The following INPP5F variants were observed in gnomAD, a reference collection of about 807,000 sequenced individuals.
INPP5F encodes the protein inositol polyphosphate-5-phosphatase F.
A neutral mutation model predicts 137.2 loss-of-function variants in INPP5F; 97 were observed. That is an observed-to-expected ratio of 0.71 (90% CI 0.60 to 0.84). INPP5F has a LOEUF of 0.84. Among genes scored for constraint, INPP5F ranks in the 40% least tolerant of loss-of-function variants. The pLI is 0.00. For synonymous variants in INPP5F, 504 were observed against 476.9 expected (o/e 1.06, Z -0.74); for missense variants, 1,271 against 1,371.9 (o/e 0.93, Z 1.16).
intron 2 of INPP5F, among the ~76,000 whole-genome samples, chr10:119,772,770 A>C (rs905386735): frequency 3.3e-5 from 5 of 151,762 alleles, no homozygotes; most frequent in Admixed American, 1.3e-4. Flanking sequence ...TTGAGATGGA[A>C]TCTCGCTCTG....
intron 1 of INPP5F, among the ~76,000 whole-genome samples, chr10:119,734,472 TTC>T (rs935235914): frequency 3.3e-5 from 5 of 152,204 alleles, no homozygotes; most frequent in Admixed American, 6.5e-5. Context: ...TAAGCTGTAC[TTC>T]CTTTTTCATT....
chr10:119,824,676 T>C (rs1233660698), intron 19 of INPP5F, among the ~76,000 whole-genome samples: 1 of 152,244 alleles, frequency 6.6e-6, no homozygotes, highest in Non-Finnish European at 1.5e-5. Context: ...TATGTAAATA[T>C]TGTTTCTGTG....
intron 2 of INPP5F, among the ~76,000 whole-genome samples, chr10:119,776,251 C>T (rs1248921077): frequency 6.6e-6 from 1 of 152,154 alleles, no homozygotes; most frequent in Non-Finnish European, 1.5e-5. Context: ...TAATCTTCAT[C>T]ATAACTGCAA....
intron 2 of INPP5F, among the ~76,000 whole-genome samples, chr10:119,759,296 C>T (rs1015131266): frequency 2.6e-5 from 4 of 152,164 alleles, no homozygotes; most frequent in African/African-American, 9.7e-5. Context: ...GCTGGGATTA[C>T]ACAGGCATGA....
At chr10:119,817,674 G>A (rs61867948) in intron 15 of INPP5F, among the ~76,000 whole-genome samples, 5,778 of 152,148 alleles carry the variant, frequency 0.038, 153 homozygotes, top group South Asian at 0.065. Flanking sequence ...GCTTTGCCAA[G>A]TTTTTAATTG....
At chr10:119,809,098 C>T (rs1850920170) in intron 13 of INPP5F, among the ~76,000 whole-genome samples, 1 of 152,034 alleles carries the variant, frequency 6.6e-6, no homozygotes, top group African/African-American at 2.4e-5. Context: ...TGGCGTGCGC[C>T]TGTAATCCCA....
intron 1 of INPP5F, among the ~76,000 whole-genome samples, chr10:119,730,632 T>C (rs1372209562): frequency 1.3e-5 from 2 of 152,230 alleles, no homozygotes; most frequent in Non-Finnish European, 2.9e-5. Flanking sequence ...GACAGTATTA[T>C]ATAATTTATA....
chr10:119,801,331 C>T (rs1188434782), intron 9 of INPP5F, among the ~76,000 whole-genome samples: 1 of 152,216 alleles, frequency 6.6e-6, no homozygotes, highest in Non-Finnish European at 1.5e-5. Flanking sequence ...AGTTGGTTCT[C>T]TTCCATTTAT....
intron 2 of INPP5F, among the ~76,000 whole-genome samples, chr10:119,774,506 T>C (rs1284423239): frequency 1.3e-5 from 2 of 150,898 alleles, no homozygotes; most frequent in Admixed American, 6.6e-5. Context: ...TTTTTTTTTT[T>C]CTTTCTTTCT....
chr10:119,817,371 A>G (rs1309987545), intron 15 of INPP5F, among the ~76,000 whole-genome samples: 1 of 152,164 alleles, frequency 6.6e-6, no homozygotes, highest in African/African-American at 2.4e-5. Context: ...TTATCTGATA[A>G]TCCTGTTTAA....
At chr10:119,781,850 A>G (rs1338261314) in intron 3 of INPP5F, 79 bp downstream of exon 3, 4 of 1,165,112 alleles carry the variant, frequency 3.4e-6, no homozygotes, top group Non-Finnish European at 4.8e-6. Context: ...TCAGTAGACC[A>G]GAAACTTACA....
At chr10:119,783,492 C>G (rs939952979) in intron 3 of INPP5F, among the ~76,000 whole-genome samples, 1 of 152,200 alleles carries the variant, frequency 6.6e-6, no homozygotes, top group African/African-American at 2.4e-5. Context: ...CACACATCAT[C>G]CAGAAAAGGT....
intron 2 of INPP5F, among the ~76,000 whole-genome samples, chr10:119,760,223 T>G (rs1848971169): frequency 6.6e-6 from 1 of 152,202 alleles, no homozygotes; most frequent in South Asian, 2.1e-4. Context: ...TAAACTCCAG[T>G]TTTCTTCAGT....
chr10:119,751,548 G>A (rs1370882555), intron 2 of INPP5F, among the ~76,000 whole-genome samples: 1 of 152,218 alleles, frequency 6.6e-6, no homozygotes, highest in Non-Finnish European at 1.5e-5. Context: ...CTCTGCCAGA[G>A]ACGAGTATGG....
intron 11 of INPP5F, 127 bp downstream of exon 11, chr10:119,805,588 A>C (rs777615290): frequency 1.5e-6 from 1 of 672,346 alleles, no homozygotes; most frequent in African/African-American, 1.8e-5. Flanking sequence ...CCCAGTTCCT[A>C]TTCTTTTCAA....
At chr10:119,749,372 C>T (rs1175274505) in intron 1 of INPP5F, among the ~76,000 whole-genome samples, 1 of 152,228 alleles carries the variant, frequency 6.6e-6, no homozygotes, top group Non-Finnish European at 1.5e-5. Flanking sequence ...CTGCGGCTGC[C>T]ATCAATAATG....
At chr10:119,812,675 C>T (rs915906686) in intron 15 of INPP5F, among the ~76,000 whole-genome samples, 2 of 152,078 alleles carry the variant, frequency 1.3e-5, no homozygotes, top group African/African-American at 2.4e-5. Context: ...GAATAAAAAA[C>T]GTTGACTGTG....
intron 3 of INPP5F, among the ~76,000 whole-genome samples, chr10:119,783,325 G>A (rs537144376): frequency 6.6e-6 from 1 of 152,156 alleles, no homozygotes; most frequent in African/African-American, 2.4e-5. Flanking sequence ...TCCCTTGAGG[G>A]TGGGCACCCC....
chr10:119,777,765 A>G (rs1190967348), intron 2 of INPP5F, among the ~76,000 whole-genome samples: 1 of 152,146 alleles, frequency 6.6e-6, no homozygotes, highest in African/African-American at 2.4e-5. Context: ...TGAATTTCCT[A>G]GCACATGGTA....
Sources: allele counts gnomAD v4.1 joint callset (sites outside exome capture counted in the v4.1 genomes callset), GRCh38; gene constraint gnomAD v4.1.1; transcripts MANE v1.5; gene names NCBI Gene and HGNC (gene_info 2026-07-23, HGNC 2026-07-21).